SSU72: variants seen among roughly 807,000 people sequenced by gnomAD.
SSU72 encodes the protein RNA polymerase II subunit A C-terminal domain phosphatase SSU72.
Under a neutral mutation model 22.7 loss-of-function variants are expected in SSU72, and 12 were observed. The ratio of observed to expected loss-of-function variants is 0.53; its 90% CI spans 0.34 to 0.86. The LOEUF (loss-of-function observed/expected upper bound fraction) is 0.86, where lower values mean the gene tolerates loss of function less well. SSU72 is among the 40% of genes least tolerant of loss of function. The pLI is 0.02. For missense variants in SSU72, 151 were observed against 249.8 expected (o/e 0.60, Z 2.67); for synonymous variants, 116 against 98.3 (o/e 1.18, Z -1.06).
At chr1:1,572,878 G>T (rs1570403157) in intron 1 of SSU72, among the ~76,000 whole-genome samples, 2 of 10,922 alleles carry the variant, frequency 1.8e-4, no homozygotes, top group East Asian at 0.034. Flanking sequence ...ATTTTGTCTT[G>T]GGGGGGGGGG....
At chr1:1,556,385 A>G (rs1159801130) in intron 2 of SSU72, among the ~76,000 whole-genome samples, 1 of 152,108 alleles carries the variant, frequency 6.6e-6, no homozygotes, top group East Asian at 1.9e-4. Context: ...CTAAAAATAC[A>G]AAAAATTAGC....
At chr1:1,554,000 G>C (rs571155327) in intron 2 of SSU72, among the ~76,000 whole-genome samples, 1 of 152,198 alleles carries the variant, frequency 6.6e-6, no homozygotes, top group African/African-American at 2.4e-5. Flanking sequence ...GACTACGTCA[G>C]TGGTGAGAAC....
intron 4 of SSU72, among the ~76,000 whole-genome samples, chr1:1,543,652 T>A (rs373929941): frequency 8.1e-5 from 11 of 135,260 alleles, no homozygotes; most frequent in South Asian, 5.0e-4. Flanking sequence ...GCCACTCCCC[T>A]CTGTCACGGC....
At chr1:1,574,402 G>A (rs1642781158) in intron 1 of SSU72, 76 bp downstream of exon 1, 2 of 1,476,056 alleles carry the variant, frequency 1.4e-6, no homozygotes, top group South Asian at 1.2e-5. Flanking sequence ...TCCTGGCGCG[G>A]GCCAGGGGGA....
At chr1:1,569,885 T>C (rs1209908956) in intron 1 of SSU72, among the ~76,000 whole-genome samples, 1 of 152,194 alleles carries the variant, frequency 6.6e-6, no homozygotes, top group Non-Finnish European at 1.5e-5. Context: ...CTGACAATTT[T>C]ATTTCAGCTT....
intron 2 of SSU72, among the ~76,000 whole-genome samples, chr1:1,547,233 G>T (rs989057721): frequency 6.6e-6 from 1 of 152,218 alleles, no homozygotes; most frequent in East Asian, 1.9e-4. Flanking sequence ...GGCCGTGGGG[G>T]CTCCTGGGGA....
chr1:1,551,080 G>A (rs923987531), intron 2 of SSU72, among the ~76,000 whole-genome samples: 1 of 152,036 alleles, frequency 6.6e-6, no homozygotes, highest in East Asian at 1.9e-4. Context: ...CCAGCTGCAC[G>A]GGGACCTTCC....
chr1:1,557,775 G>A (rs1245127270), intron 2 of SSU72, among the ~76,000 whole-genome samples: 1 of 152,082 alleles, frequency 6.6e-6, no homozygotes, highest in Non-Finnish European at 1.5e-5. Flanking sequence ...TCCAGCAGGG[G>A]TGACAGACTG....
intron 1 of SSU72, among the ~76,000 whole-genome samples, chr1:1,566,702 A>G (rs910101119): frequency 4.5e-4 from 68 of 152,076 alleles, no homozygotes; most frequent in African/African-American, 1.5e-3. Flanking sequence ...AATACAAAAA[A>G]TTAGGCGGGC....
Position 1,562,628 on chromosome 1 carries a change from C to G in SSU72, c.224+2145G>C, listed in dbSNP as rs1428781479. ...CCCTAAACCAGACTCTTGGAATAGGCTCTGTGGCCACCCATCGCCGTAAGG... is the reference window on the plus strand; with the variant it reads ...CCCTAAACCAGACTCTTGGAATAGGGTCTGTGGCCACCCATCGCCGTAAGG... On this transcript the variant is annotated intron_variant, in intron 2 of 4. Transcript: ENST00000291386. 4.6e-5 allele frequency: 7 copies of G among 152,470 alleles called. No individual in the cohort carries two copies. The East Asian group carries it at 1.2e-3, about 25-fold the overall frequency. 9.4% of individuals were successfully genotyped at this position (152,470 alleles called of 1,614,324 possible).
intron 2 of SSU72, among the ~76,000 whole-genome samples, chr1:1,552,121 G>T (rs1642462158): frequency 6.6e-6 from 1 of 152,202 alleles, no homozygotes; most frequent in Non-Finnish European, 1.5e-5. Context: ...GGCGCCGGCT[G>T]CCCCAGGGCA....
intron 1 of SSU72, among the ~76,000 whole-genome samples, chr1:1,567,862 G>A (rs557762202): frequency 1.2e-4 from 17 of 145,560 alleles, no homozygotes; most frequent in African/African-American, 3.9e-4. Flanking sequence ...GCAGTGAGCC[G>A]AGATCGCGCC....
intron 1 of SSU72, among the ~76,000 whole-genome samples, chr1:1,568,211 C>CT (rs1460883775): frequency 1.3e-5 from 2 of 152,260 alleles, no homozygotes; most frequent in African/African-American, 4.8e-5. Context: ...TTGGAAAACA[C>CT]TCCTGACACC....
Position 1,542,530 on chromosome 1 carries a change from G to A in SSU72, c.484-363C>T, listed in dbSNP as rs1167135395. ...CAGCGCTTCCACACCACCAACAAGC[G>A]AGCGGGGGCAGCCTGGTCATCGGAG... On this transcript the variant is annotated intron_variant, in intron 4 of 4. Transcript: ENST00000291386. This position sits in a 1 kb window ranked among gnomAD's most constrained non-coding sequence, Gnocchi z 4.4. Among the ~76,000 whole-genome samples the A allele has an allele frequency of 1.3e-5, 2 of 152,114 alleles. No homozygotes were observed. The highest frequency in any genetic ancestry group is 2.9e-5 in the Non-Finnish European group (2 of 68,022).
chr1:1,557,327 C>T (rs961520120), intron 2 of SSU72, among the ~76,000 whole-genome samples: 41 of 151,998 alleles, frequency 2.7e-4, no homozygotes, highest in Non-Finnish European at 4.9e-4. Context: ...GCAGGAGAAT[C>T]GTTTGAACCT....
At chr1:1,555,661 T>C (rs1642512686) in intron 2 of SSU72, among the ~76,000 whole-genome samples, 1 of 152,190 alleles carries the variant, frequency 6.6e-6, no homozygotes, top group East Asian at 1.9e-4. Context: ...CACCACACTA[T>C]GCCACAAGCT....
At chr1:1,548,423 C>T (rs1050792887) in intron 2 of SSU72, among the ~76,000 whole-genome samples, 2 of 152,144 alleles carry the variant, frequency 1.3e-5, no homozygotes, top group African/African-American at 4.8e-5. Context: ...GGCGTCGTGG[C>T]AGGCGCCTTA....
At chr1:1,567,267 C>T (rs762188810) in intron 1 of SSU72, among the ~76,000 whole-genome samples, 8 of 152,202 alleles carry the variant, frequency 5.3e-5, no homozygotes, top group African/African-American at 1.9e-4. Flanking sequence ...ATCTAGTGTA[C>T]GTGAAACACC....
At chr1:1,544,809 C>T in intron 3 of SSU72, 54 bp downstream of exon 3, 4 of 1,613,150 alleles carry the variant, frequency 2.5e-6, no homozygotes, top group East Asian at 2.2e-5. Flanking sequence ...GCAGGCATCC[C>T]CAGACCCTGT....
Sources: gnomAD v4.1 joint callset for allele counts (sites outside exome capture counted in the v4.1 genomes callset) on GRCh38, gnomAD v4.1.1 for gene constraint, Gnocchi (gnomAD v3.1) non-coding constraint, MANE v1.5 for transcripts, NCBI Gene and HGNC (gene_info 2026-07-23, HGNC 2026-07-21) for gene names.